Variants in TIGD5 observed in about 807,000 individuals in gnomAD.
The protein encoded by TIGD5 is tigger transposable element derived 5.
In TIGD5, 24 loss-of-function variants were observed where a neutral mutation model predicts 28.8. The ratio of observed to expected loss-of-function variants is 0.83; its 90% CI spans 0.60 to 1.17. The LOEUF is 1.17. Ranked by LOEUF, TIGD5 falls within the 50% of genes most tolerant of loss-of-function variation. The pLI is 0.00. For missense variants in TIGD5, 922 were observed against 911.4 expected (o/e 1.01, Z -0.15); for synonymous variants, 538 against 430.5 (o/e 1.25, Z -3.09).
Position 143,598,970 on chromosome 8 carries a change from T to C in TIGD5, c.1067T>C (p.Leu356Pro). Residue 356 changes from leucine to proline, a missense_variant, in exon 1 of 1, where the codon CTG becomes CCG. Around this residue, in one of 3 missense-constraint regions of TIGD5, gnomAD observed 821 missense variants for 815.2 expected, o/e 1.01. Transcript: ENST00000504548. This position sits in a 1 kb window ranked among gnomAD's most constrained non-coding sequence, Gnocchi z 6.6. The part of the protein sequence containing the change: ...RSCLQQKAVL[L>P]VAHPPCPSPA... Reference sequence around the variant, plus strand: ...TGCCTGCAGCAGAAGGCCGTGCTGCTGGTGGCCCACCCGCCCTGCCCAAGC... The same window carrying C: ...TGCCTGCAGCAGAAGGCCGTGCTGCCGGTGGCCCACCCGCCCTGCCCAAGC... 1.3e-5 allele frequency: 20 copies of C among 1,579,064 alleles called. No homozygotes were observed. Among genetic ancestry groups the C allele is most frequent in the Non-Finnish European group, 1.7e-5 (20 of 1,171,086 alleles).
At position 143,598,709 on chromosome 8, in the gene TIGD5, G is replaced by A; in HGVS notation, c.806G>A (p.Arg269His). ...CCCGGGGCGGGGGGCTGTGGCCGGC[G>A]CTGGCGGGGCGACCGCGTAACGGTG... ...GDPGAGGCGR[R>H]WRGDRVTVLL... Residue 269 changes from arginine (R) to histidine (H), a missense_variant, in exon 1 of 1, where the codon CGC becomes CAC. Physicochemically the swap from Arg to His is conservative, Grantham distance 29. This residue lies in a region of TIGD5 where 821 missense variants were observed against 815.2 expected (regional missense o/e 1.01). Transcript: ENST00000504548. This position sits in a 1 kb window ranked among gnomAD's most constrained non-coding sequence, Gnocchi z 6.6. The A allele has an allele frequency of 6.6e-7, 1 of 1,505,958 alleles. No individual in the cohort carries two copies. The highest frequency in any genetic ancestry group is 8.8e-7 in the Non-Finnish European group (1 of 1,135,756). The allele number at this position is 1,505,958 out of a possible 1,614,324, so 93.3% of individuals were successfully genotyped here.
rs746120163 is a variant in TIGD5, at chr8:143,599,845, A to T, written c.*13A>T. 6.9e-7 allele frequency: 1 copy of T among 1,454,804 alleles called. No homozygotes were observed. The allele number at this position is 1,454,804 out of a possible 1,614,324, so 90.1% of individuals were successfully genotyped here. A position where few individuals can be genotyped will look rare whatever the true frequency, so the allele number is the denominator to read the frequency against. On this transcript the variant is annotated 3_prime_UTR_variant, in exon 1 of 1. Coordinates refer to ENST00000504548, the MANE Select transcript of TIGD5 (RefSeq NM_032862.5). ...TGACGGTGTGTGACCAGGCCAGCCC[A>T]GTGACCTTTCTCCTGCTGCACTTGG...
At position 143,598,946 on chromosome 8, in the gene TIGD5, G is replaced by T. The variant is rs1829179512; in HGVS notation, c.1043G>T (p.Cys348Phe). ...GTCAAACGCTACCTGCGCCGAAGCT[G>T]CCTGCAGCAGAAGGCCGTGCTGCTG... ...PGVKRYLRRS[C>F]LQQKAVLLVA... Residue 348 changes from cysteine (C) to phenylalanine (F), a missense_variant, in exon 1 of 1, where the codon TGC (cysteine) becomes TTC (phenylalanine). Cys to Phe is a radical substitution (Grantham distance 205). Coordinates refer to ENST00000504548, the MANE Select transcript of TIGD5 (RefSeq NM_032862.5). This position sits in a 1 kb window ranked among gnomAD's most constrained non-coding sequence, Gnocchi z 6.6. 1.9e-6 allele frequency: 3 copies of T among 1,586,138 alleles called. No individual in the cohort carries two copies. In the African/African-American group the frequency reaches 4.0e-5, roughly 21 times the overall value.
rs1267661695 is a variant in TIGD5 at position 143,598,479 on chromosome 8, C to G, written c.576C>G (p.Pro192=). 8 of 1,420,664 alleles carry G rather than the reference C, an allele frequency of 5.6e-6. No homozygotes were observed. Among genetic ancestry groups the G allele is most frequent in the Non-Finnish European group, 7.3e-6 (8 of 1,092,690 alleles). The allele number at this position is 1,420,664 out of a possible 1,614,324, so 88.0% of individuals were successfully genotyped here. A position where few individuals can be genotyped will look rare whatever the true frequency, so the allele number is the denominator to read the frequency against. Residue 192 remains proline, a synonymous_variant, in exon 1 of 1, where the codon CCC becomes CCG. Coordinates refer to ENST00000504548, the MANE Select transcript of TIGD5 (RefSeq NM_032862.5). The surrounding 1 kb of genome is among the most constrained non-coding windows in gnomAD (Gnocchi z 6.6). ...SSQRFYGEAG[P]PAPSPAPGPP... ...AGCGCTTCTACGGCGAGGCCGGGCC[C>G]CCAGCCCCGAGCCCCGCGCCCGGCC...
rs1386947287 is a variant in TIGD5 at position 143,602,870 on chromosome 8, C to T, written c.*3038C>T. On this transcript the variant is annotated 3_prime_UTR_variant, in exon 1 of 1. Coordinates refer to ENST00000504548, the MANE Select transcript of TIGD5 (RefSeq NM_032862.5). The stretch of plus-strand genomic sequence containing the variant: ...ATGAGTGCAGGTTTTGTTGAAACCA[C>T]CCGACCCGCGTTTTCAGGGGGACGA... 1 of 152,294 alleles carries T rather than the reference C, an allele frequency of 6.6e-6. No individual in the cohort carries two copies. Among genetic ancestry groups the T allele is most frequent in the Non-Finnish European group, 1.5e-5 (1 of 68,076 alleles). The allele number at this position is 152,294 out of a possible 1,614,324, so 9.4% of individuals were successfully genotyped here.
In TIGD5 at chr8:143,598,808, G is replaced by T; in HGVS notation, c.905G>T (p.Ser302Ile). Reference protein sequence around the residue: ...LVIGRLPDPPSLRHHNQDKFP... With the variant: ...LVIGRLPDPPILRHHNQDKFP... The stretch of plus-strand genomic sequence containing the variant: ...ATCGGGCGGCTGCCGGACCCGCCCA[G>T]CCTGCGCCACCACAACCAGGACAAG... The change falls in exon 1 of 1, where the codon AGC becomes ATC. Residue 302 changes from serine (S) to isoleucine (I), a missense_variant. Ser to Ile is a moderately radical substitution (Grantham distance 142, BLOSUM62 -2). This residue lies in a region of TIGD5 where 821 missense variants were observed against 815.2 expected (regional missense o/e 1.01). Transcript: ENST00000504548. The surrounding 1 kb of genome is among the most constrained non-coding windows in gnomAD (Gnocchi z 6.6). 1 of 1,600,244 alleles carries T rather than the reference G, an allele frequency of 6.2e-7. No homozygotes were observed.
Position 143,599,948 on chromosome 8 carries a change from TC to T in TIGD5, c.*118del. 1 of 1,169,740 alleles carries T rather than the reference TC, an allele frequency of 8.5e-7. No homozygotes were observed. The highest frequency in any genetic ancestry group is 1.1e-6 in the Non-Finnish European group (1 of 899,922). The allele number at this position is 1,169,740 out of a possible 1,614,324, so 72.5% of individuals were successfully genotyped here. A position where few individuals can be genotyped will look rare whatever the true frequency, so the allele number is the denominator to read the frequency against. On this transcript the variant is annotated 3_prime_UTR_variant, in exon 1 of 1. Coordinates refer to ENST00000504548, the MANE Select transcript of TIGD5 (RefSeq NM_032862.5). ...GGCCCACCGCATGGGTACAGGGGGT[TC>T]CAGGAATCCAAATCCAGCATGGCTT... is the stretch of plus-strand genomic sequence containing the variant.
In TIGD5 at chr8:143,598,675, G is replaced by A; in HGVS notation, c.772G>A (p.Ala258Thr). 1 of 1,500,464 alleles carries A rather than the reference G, an allele frequency of 6.7e-7. No individual in the cohort carries two copies. Among genetic ancestry groups the A allele is most frequent in the Admixed American group, 2.3e-5 (1 of 43,170 alleles). The allele number at this position is 1,500,464 out of a possible 1,614,324, so 92.9% of individuals were successfully genotyped here. A position where few individuals can be genotyped will look rare whatever the true frequency, so the allele number is the denominator to read the frequency against. ...TCCGGAGCAGGCTGCGCCCCCGGGCGCAGGGGACCCCGGGGCGGGGGGCTG... is the reference window on the plus strand; with the variant it reads ...TCCGGAGCAGGCTGCGCCCCCGGGCACAGGGGACCCCGGGGCGGGGGGCTG... ...LLPEQAAPPGAGDPGAGGCGR... is the reference protein window; with the variant it reads ...LLPEQAAPPGTGDPGAGGCGR... The change falls in exon 1 of 1, where the codon GCA becomes ACA. Residue 258 changes from alanine (A) to threonine (T), a missense_variant. Coordinates refer to ENST00000504548, the MANE Select transcript of TIGD5 (RefSeq NM_032862.5). The surrounding 1 kb of genome is among the most constrained non-coding windows in gnomAD (Gnocchi z 6.6).
At position 143,598,042 on chromosome 8, in the gene TIGD5, G is replaced by T. The variant is rs1280782142; in HGVS notation, c.139G>T (p.Ala47Ser). 7.4e-7 allele frequency: 1 copy of T among 1,356,108 alleles called. No homozygotes were observed. The highest frequency in any genetic ancestry group is 9.5e-7 in the Non-Finnish European group (1 of 1,056,312). 84.0% of individuals were successfully genotyped at this position (1,356,108 alleles called of 1,614,324 possible). The change falls in exon 1 of 1, where the codon GCC becomes TCC. Residue 47 changes from alanine to serine, a missense_variant. By Grantham distance (99) the Ala-to-Ser change is moderately conservative. Coordinates refer to ENST00000504548, the MANE Select transcript of TIGD5 (RefSeq NM_032862.5). This position sits in a 1 kb window ranked among gnomAD's most constrained non-coding sequence, Gnocchi z 6.6. ...CGCGCCCGGGCCGCGGCCCCGCGTG[G>T]CCGTGAAGATGGCCTTCCGCAAGGC... The part of the protein sequence containing the change: ...PPAPGPRPRV[A>S]VKMAFRKAYS...
chr8:143,602,104 A>AAAAG lies in TIGD5; in HGVS notation c.*2275_*2276insGAAA, dbSNP rs1434550990. 1.3e-5 allele frequency: 2 copies of AAAAG among 151,950 alleles called. No homozygotes were observed. Among genetic ancestry groups the AAAAG allele is most frequent in the African/African-American group, 4.8e-5 (2 of 41,382 alleles). The allele number at this position is 151,950 out of a possible 1,614,324, so 9.4% of individuals were successfully genotyped here. On this transcript the variant is annotated 3_prime_UTR_variant, in exon 1 of 1. Coordinates refer to ENST00000504548, the MANE Select transcript of TIGD5 (RefSeq NM_032862.5). ...GAGCGAGACTCTGTCTCAAAAAAAA[A>AAAAG]AAAAAAAAAGTGCAGGTGCACGCTG...
At position 143,599,208 on chromosome 8, in the gene TIGD5, A is replaced by C. The variant is rs1206795514; in HGVS notation, c.1305A>C (p.Arg435=). ...AGCTGTACAAGCGCGAGCTGCTGCG[A>C]CTGGCTGTGTCCTGCGCCAGCGGCT... The part of the protein sequence containing the change: ...FKQLYKRELL[R]LAVSCASGSP... The change falls in exon 1 of 1, where the codon CGA becomes CGC. Residue 435 remains arginine (R), a synonymous_variant. Coordinates refer to ENST00000504548, the MANE Select transcript of TIGD5 (RefSeq NM_032862.5). 2 of 1,611,392 alleles carry C rather than the reference A, an allele frequency of 1.2e-6. No individual in the cohort carries two copies. Among genetic ancestry groups the C allele is most frequent in the Admixed American group, 3.3e-5 (2 of 59,934 alleles).
rs1199305827 is a variant in TIGD5, at chr8:143,599,786, T to A, written c.1883T>A (p.Leu628Gln). The A allele has an allele frequency of 1.3e-6, 2 of 1,484,414 alleles. No individual in the cohort carries two copies. The highest frequency in any genetic ancestry group is 1.8e-6 in the Non-Finnish European group (2 of 1,126,108). 92.0% of individuals were successfully genotyped at this position (1,484,414 alleles called of 1,614,324 possible). A position where few individuals can be genotyped will look rare whatever the true frequency, so the allele number is the denominator to read the frequency against. Residue 628 changes from leucine to glutamine, a missense_variant, in exon 1 of 1, where the codon CTG (leucine) becomes CAG (glutamine). Leu to Gln is a moderately radical substitution (Grantham distance 113). Around this residue, in one of 3 missense-constraint regions of TIGD5, gnomAD observed 821 missense variants for 815.2 expected, o/e 1.01. Transcript: ENST00000504548. ...TCACTCATCAGCATGGCCCGGAGGC[T>A]GGGGGGCATCGGGCATACCCCAGCA... ...LRSLISMARR[L>Q]GGIGHTPAGP... is the part of the protein sequence containing the mutation.
chr8:143,597,918 C>T lies in TIGD5; in HGVS notation c.15C>T (p.Gly5=), dbSNP rs1199407365. Residue 5 remains glycine (G), a synonymous_variant, in exon 1 of 1, where the codon GGC becomes GGT. Coordinates refer to ENST00000504548, the MANE Select transcript of TIGD5 (RefSeq NM_032862.5). ...CCGCCGCAGCCATGTACCCCGCGGG[C>T]CCCCCGGCCGGCCCGGTACCGCGCC... MYPA[G]PPAGPVPRRG... The T allele has an allele frequency of 3.3e-5, 28 of 843,396 alleles. No homozygotes were observed. Among genetic ancestry groups the T allele is most frequent in the Non-Finnish European group, 3.6e-5 (25 of 703,040 alleles). The allele number at this position is 843,396 out of a possible 1,614,324, so 52.2% of individuals were successfully genotyped here.
Position 143,599,931 on chromosome 8 carries a change from G to A in TIGD5, c.*99G>A, listed in dbSNP as rs542637499. 86 of 1,324,734 alleles carry A rather than the reference G, an allele frequency of 6.5e-5. No homozygotes were observed. Among genetic ancestry groups the A allele is most frequent in the Middle Eastern group, 6.0e-4 (3 of 5,040 alleles). 82.1% of individuals were successfully genotyped at this position (1,324,734 alleles called of 1,614,324 possible). ...TCCCCTCCCCCTGGGGTGGCCCACC[G>A]CATGGGTACAGGGGGTTCCAGGAAT... is the stretch of plus-strand genomic sequence containing the variant. On this transcript the variant is annotated 3_prime_UTR_variant, in exon 1 of 1. Coordinates refer to ENST00000504548, the MANE Select transcript of TIGD5 (RefSeq NM_032862.5).
In TIGD5 at chr8:143,599,598, C is replaced by T. The variant is rs138051250; in HGVS notation, c.1695C>T (p.Pro565=). 134 of 1,533,780 alleles carry T rather than the reference C, an allele frequency of 8.7e-5. No homozygotes were observed. Among genetic ancestry groups the T allele is most frequent in the Non-Finnish European group, 1.1e-4 (128 of 1,143,242 alleles). Residue 565 remains proline, a synonymous_variant, in exon 1 of 1, where the codon CCC becomes CCT. Coordinates refer to ENST00000504548, the MANE Select transcript of TIGD5 (RefSeq NM_032862.5). ...CGCCTCCGGCCCCAGCCAGTCTGCC[C>T]TCTGCCATGGGGGGCGGAGAGGACG... is the stretch of plus-strand genomic sequence containing the variant. ...PAAPPAPASL[P]SAMGGGEDEE...
In TIGD5 at chr8:143,599,356, T is replaced by A; in HGVS notation, c.1453T>A (p.Phe485Ile). 6.3e-7 allele frequency: 1 copy of A among 1,582,282 alleles called. No homozygotes were observed. Among genetic ancestry groups the A allele is most frequent in the Non-Finnish European group, 8.6e-7 (1 of 1,165,564 alleles). The part of the protein sequence containing the change: ...RCWLLGLRAA[F>I]EPRPGEDSAG... The stretch of plus-strand genomic sequence containing the variant: ...CTGGCTGCTGGGCCTGCGGGCTGCC[T>A]TCGAGCCCCGGCCCGGCGAGGACAG... Residue 485 changes from phenylalanine to isoleucine, a missense_variant, in exon 1 of 1, where the codon TTC (phenylalanine) becomes ATC (isoleucine). Phe to Ile is a conservative substitution (Grantham distance 21, BLOSUM62 0). This residue lies in a region of TIGD5 where 821 missense variants were observed against 815.2 expected (regional missense o/e 1.01). Coordinates refer to ENST00000504548, the MANE Select transcript of TIGD5 (RefSeq NM_032862.5).
chr8:143,599,759 G>A lies in TIGD5; in HGVS notation c.1856G>A (p.Arg619His), dbSNP rs748725684. Residue 619 changes from arginine (R) to histidine (H), a missense_variant, in exon 1 of 1, where the codon CGC becomes CAC. Arg to His is a conservative substitution (Grantham distance 29). Around this residue, in one of 3 missense-constraint regions of TIGD5, gnomAD observed 821 missense variants for 815.2 expected, o/e 1.01. Transcript: ENST00000504548. ...EVGPLRLVQL[R>H]SLISMARRLG... The stretch of plus-strand genomic sequence containing the variant: ...GGGCCACTGAGGCTGGTGCAGTTGC[G>A]CTCACTCATCAGCATGGCCCGGAGG... 12 of 1,494,808 alleles carry A rather than the reference G, an allele frequency of 8.0e-6. No individual in the cohort carries two copies. The highest frequency in any genetic ancestry group is 2.3e-5 in the Admixed American group (1 of 42,718). 92.6% of individuals were successfully genotyped at this position (1,494,808 alleles called of 1,614,324 possible). A position where few individuals can be genotyped will look rare whatever the true frequency, so the allele number is the denominator to read the frequency against.
chr8:143,598,476 G>T lies in TIGD5; in HGVS notation c.573G>T (p.Gly191=). The T allele has an allele frequency of 7.0e-7, 1 of 1,419,078 alleles. No individual in the cohort carries two copies. The highest frequency in any genetic ancestry group is 9.2e-7 in the Non-Finnish European group (1 of 1,092,012). The allele number at this position is 1,419,078 out of a possible 1,614,324, so 87.9% of individuals were successfully genotyped here. ...GCCAGCGCTTCTACGGCGAGGCCGG[G>T]CCCCCAGCCCCGAGCCCCGCGCCCG... ...ISSQRFYGEA[G]PPAPSPAPGP... Residue 191 remains glycine (G), a synonymous_variant, in exon 1 of 1, where the codon GGG becomes GGT. Transcript: ENST00000504548. This position sits in a 1 kb window ranked among gnomAD's most constrained non-coding sequence, Gnocchi z 6.6.
Position 143,599,459 on chromosome 8 carries a change from T to C in TIGD5, c.1556T>C (p.Leu519Pro). The C allele has an allele frequency of 1.3e-6, 2 of 1,587,720 alleles. No homozygotes were observed. The highest frequency in any genetic ancestry group is 1.1e-5 in the South Asian group (1 of 87,770). The change falls in exon 1 of 1, where the codon CTG (leucine) becomes CCG (proline). Residue 519 changes from leucine to proline, a missense_variant. Leu to Pro is a moderately conservative substitution (Grantham distance 98). Coordinates refer to ENST00000504548, the MANE Select transcript of TIGD5 (RefSeq NM_032862.5). ...VLSDLTHLAA[L>P]AYKCLAPEEV... ...AGCGACCTCACCCACCTGGCGGCTC[T>C]GGCCTACAAGTGCCTGGCTCCGGAG...
Sources: gnomAD v4.1 joint callset for allele counts on GRCh38, gnomAD v4.1.1 for gene constraint, gnomAD v4.1.1 regional missense constraint, Gnocchi (gnomAD v3.1) non-coding constraint, MANE v1.5 for transcripts, NCBI Gene and HGNC (gene_info 2026-07-23, HGNC 2026-07-21) for gene names.